The following DNAH14 variants were observed in gnomAD, a reference collection of about 807,000 sequenced individuals.
DNAH14 encodes axonemal beta dynein heavy chain 14.
In DNAH14, 478 loss-of-function variants were observed where a neutral mutation model predicts 520.9. The ratio of observed to expected loss-of-function variants is 0.92; its 90% CI spans 0.85 to 0.99. DNAH14 has a LOEUF of 0.99. Among genes scored for constraint, DNAH14 ranks in the 50% least tolerant of loss-of-function variants. The probability of loss-of-function intolerance (pLI) is 0.00; values close to 1 mark genes in which losing one functional copy is unlikely to be tolerated. For synonymous variants in DNAH14, 1,581 were observed against 1,757.2 expected (o/e 0.90, Z 2.51); for missense variants, 4,831 against 5,234.5 (o/e 0.92, Z 2.38).
intron 78 of DNAH14, among the ~76,000 whole-genome samples, chr1:225,376,913 C>T (rs1303956795): frequency 6.6e-6 from 1 of 152,028 alleles, no homozygotes; most frequent in Non-Finnish European, 1.5e-5. Context: ...ATGATTTGTT[C>T]AAGCCTTATT....
At chr1:225,109,756 G>A (rs1276235546) in intron 23 of DNAH14, among the ~76,000 whole-genome samples, 2 of 151,922 alleles carry the variant, frequency 1.3e-5, no homozygotes, top group Non-Finnish European at 2.9e-5. Flanking sequence ...ATAACAGTGG[G>A]GAAACTGGGC....
chr1:225,335,342 T>TGTATATGCACATATACAC (rs2094929129), intron 66 of DNAH14, among the ~76,000 whole-genome samples: 1 of 79,286 alleles, frequency 1.3e-5, no homozygotes. Context: ...TGTGTACATG[T>TGTATATGCACATATACAC]GTGTGTATAT....
intron 35 of DNAH14, among the ~76,000 whole-genome samples, chr1:225,162,073 T>C (rs1159084167): frequency 6.6e-6 from 1 of 152,182 alleles, no homozygotes; most frequent in Non-Finnish European, 1.5e-5. Flanking sequence ...ACTCAAGAAA[T>C]TTTTGCCCAG....
chr1:225,050,145 A>C, intron 15 of DNAH14, 65 bp from the exon 16 acceptor site: 1 of 1,350,992 alleles, frequency 7.4e-7, no homozygotes, highest in Non-Finnish European at 9.9e-7. Flanking sequence ...GATGTCATGG[A>C]TAATTTTGAA....
At chr1:225,139,776 A>G (rs2079265914) in intron 27 of DNAH14, among the ~76,000 whole-genome samples, 1 of 152,238 alleles carries the variant, frequency 6.6e-6, no homozygotes, top group Non-Finnish European at 1.5e-5. Flanking sequence ...CAAATCTTGA[A>G]TAAATGTCTC....
chr1:225,341,169 A>G (rs1202510812), intron 69 of DNAH14, among the ~76,000 whole-genome samples: 2 of 151,954 alleles, frequency 1.3e-5, no homozygotes, highest in African/African-American at 4.8e-5. Context: ...CAGTGGCGCA[A>G]TCTCGGCTCA....
chr1:225,047,698 T>C (rs2068086727), intron 15 of DNAH14, among the ~76,000 whole-genome samples: 1 of 152,212 alleles, frequency 6.6e-6, no homozygotes, highest in African/African-American at 2.4e-5. Context: ...TCCTTGCTTC[T>C]GCGAAAAACA....
chr1:225,092,509 A>G (rs1319711158), intron 21 of DNAH14, among the ~76,000 whole-genome samples: 2 of 152,104 alleles, frequency 1.3e-5, no homozygotes, highest in Non-Finnish European at 2.9e-5. Flanking sequence ...ACATACCAGA[A>G]TCTCTGGGAT....
intron 78 of DNAH14, among the ~76,000 whole-genome samples, chr1:225,376,351 C>T (rs1287193753): frequency 8.6e-5 from 13 of 151,978 alleles, no homozygotes; most frequent in Non-Finnish European, 1.3e-4. Context: ...CACTTGAACC[C>T]GGGAAGCAGA....
rs560028000 is a variant in DNAH14 at position 225,374,831 on chromosome 1, C to T, written c.12462C>T (p.Tyr4154=). 62 of 1,551,436 alleles carry T rather than the reference C, an allele frequency of 4.0e-5. No homozygotes were observed. The South Asian group carries it at 7.0e-4, about 18-fold the overall frequency. Residue 4154 remains tyrosine (Y), a synonymous_variant, in exon 78 of 86, where the codon TAC becomes TAT. Transcript: ENST00000682510. ...AGCGATGCTTGAAGACCCTACTCTA[C>T]AAATTTTGTAATCCTGAAGTGCTGA... is the stretch of plus-strand genomic sequence containing the variant. ...WDKRCLKTLL[Y]KFCNPEVLKD... is the part of the protein sequence containing the mutation.
rs1368544796 is a variant in DNAH14 at position 225,035,519 on chromosome 1, G to A, written c.1359-3175G>A. On this transcript the variant is annotated intron_variant, in intron 11 of 85. Transcript: ENST00000682510. ...TTGAAGTTTTTTTTTGTTTTTTTTT[G>A]AGGTAGAAACTTACACCTATATACT... 2.0e-5 allele frequency among the ~76,000 whole-genome samples: 3 copies of A among 146,466 alleles called. No individual in the cohort carries two copies. In the East Asian group the frequency reaches 6.4e-4, roughly 31 times the overall value.
At chr1:224,933,909 G>A (rs2058858352) in intron 1 of DNAH14, among the ~76,000 whole-genome samples, 3 of 151,496 alleles carry the variant, frequency 2.0e-5, no homozygotes, top group Non-Finnish European at 3.0e-5. Context: ...TTGTGTTCTT[G>A]TGTACTACAG....
chr1:225,313,437 T>C (rs986668268), intron 60 of DNAH14, among the ~76,000 whole-genome samples: 2 of 152,236 alleles, frequency 1.3e-5, no homozygotes, highest in African/African-American at 4.8e-5. Flanking sequence ...CGTCTCTATC[T>C]CCTTCAGTTC....
At chr1:225,282,659 G>T (rs142720272) in intron 54 of DNAH14, among the ~76,000 whole-genome samples, 186 of 152,260 alleles carry the variant, frequency 1.2e-3, no homozygotes, top group African/African-American at 4.3e-3. Context: ...AATGCTCTAG[G>T]AAATGTGCCT....
At chr1:225,216,257 A>G (rs1468062944) in intron 41 of DNAH14, among the ~76,000 whole-genome samples, 1 of 152,208 alleles carries the variant, frequency 6.6e-6, no homozygotes, top group East Asian at 1.9e-4. Context: ...GTTTCTGCCA[A>G]GAGATCCACT....
rs180704253 is a variant in DNAH14, at chr1:225,389,623, G to A, written c.13191-111G>A. 7 of 1,244,756 alleles carry A rather than the reference G, an allele frequency of 5.6e-6. No homozygotes were observed. In the Admixed American group the frequency reaches 1.3e-4, roughly 23 times the overall value. 77.1% of individuals were successfully genotyped at this position (1,244,756 alleles called of 1,614,324 possible). ...GCCTGATAAGAGTCCTGCATTGGGG[G>A]AATCGAAATGAAAAGTAAAAGAAGG... is the stretch of plus-strand genomic sequence containing the variant. On this transcript the variant is annotated intron_variant, in intron 82 of 85. Transcript: ENST00000682510.
At chr1:225,261,849 A>G (rs894770384) in intron 46 of DNAH14, among the ~76,000 whole-genome samples, 1 of 152,096 alleles carries the variant, frequency 6.6e-6, no homozygotes, top group Non-Finnish European at 1.5e-5. Flanking sequence ...TATTTAGAAG[A>G]AAATATTTAC....
At chr1:225,230,543 C>T (rs1462948036) in intron 41 of DNAH14, among the ~76,000 whole-genome samples, 1 of 151,792 alleles carries the variant, frequency 6.6e-6, no homozygotes, top group Admixed American at 6.6e-5. Context: ...TGAATAATTA[C>T]TCTTTGTGTT....
chr1:225,029,878 T>C (rs2066404922), intron 11 of DNAH14, among the ~76,000 whole-genome samples: 2 of 152,026 alleles, frequency 1.3e-5, no homozygotes, highest in Non-Finnish European at 1.5e-5. Flanking sequence ...AAATGTCTTT[T>C]CTACCATCCT....
Sources: allele counts gnomAD v4.1 joint callset (sites outside exome capture counted in the v4.1 genomes callset), GRCh38; gene constraint gnomAD v4.1.1; transcripts MANE v1.5; gene names NCBI Gene and HGNC (gene_info 2026-07-23, HGNC 2026-07-21).